AKAP6: variants seen among roughly 807,000 people sequenced by gnomAD.
AKAP6 encodes the protein A-kinase anchor protein 6.
AKAP6 carries 58 observed loss-of-function variants against 188.5 expected under a neutral mutation model. The ratio of observed to expected loss-of-function variants is 0.31; its 90% CI spans 0.25 to 0.38. The LOEUF is 0.38. Ranked by LOEUF, AKAP6 falls within the 10% of genes least tolerant of loss-of-function variation. The pLI, the probability that AKAP6 is intolerant of heterozygous loss-of-function variation, is 1.00. For missense variants in AKAP6, 2,710 were observed against 2,740.0 expected, an observed-to-expected ratio of 0.99 and a Z score of 0.24; for synonymous variants, 989 against 998.6, an observed-to-expected ratio of 0.99 and a Z score of 0.18.
intron 9 of AKAP6, among the ~76,000 whole-genome samples, chr14:32,716,309 C>T (rs1399761097): frequency 6.6e-6 from 1 of 151,686 alleles, no homozygotes; most frequent in Non-Finnish European, 1.5e-5. Flanking sequence ...CAAGCTCCCT[C>T]CTCCCTTCAT....
intron 2 of AKAP6, among the ~76,000 whole-genome samples, chr14:32,435,815 T>C (rs1806856617): frequency 6.6e-6 from 1 of 152,230 alleles, no homozygotes; most frequent in Non-Finnish European, 1.5e-5. Flanking sequence ...GTCAAGGAGC[T>C]CTGGTTACTG....
intron 8 of AKAP6, among the ~76,000 whole-genome samples, chr14:32,688,470 G>A (rs1302385146): frequency 3.3e-5 from 5 of 152,070 alleles, no homozygotes; most frequent in African/African-American, 1.2e-4. Context: ...AAACAAATGT[G>A]TATGTTATGT....
At chr14:32,584,166 C>T (rs1006624495) in intron 5 of AKAP6, among the ~76,000 whole-genome samples, 2 of 152,166 alleles carry the variant, frequency 1.3e-5, no homozygotes, top group African/African-American at 2.4e-5. Context: ...CCCTCTTATT[C>T]GAGGCGGATG....
At chr14:32,729,287 G>C (rs923087983) in intron 9 of AKAP6, among the ~76,000 whole-genome samples, 9 of 152,230 alleles carry the variant, frequency 5.9e-5, no homozygotes, top group Admixed American at 1.3e-4. Flanking sequence ...AAAAAAAGGA[G>C]GGGGACTTCG....
chr14:32,532,184 C>T (rs991266559), intron 2 of AKAP6, among the ~76,000 whole-genome samples: 7 of 152,152 alleles, frequency 4.6e-5, no homozygotes, highest in African/African-American at 7.2e-5. Flanking sequence ...GGCATTTGAA[C>T]GGGTGTAAAC....
rs147345860 is a variant in AKAP6, at chr14:32,822,097, G to A, written c.4284G>A (p.Ser1428=). The A allele has an allele frequency of 1.1e-4, 180 of 1,613,862 alleles. No homozygotes were observed. The African/African-American group carries it at 1.3e-3, about 11-fold the overall frequency. ...TTAAGCTTCCAAATAGCTCTCAGTC[G>A]TCCATTTCACCAGTGGGTTGTGTAA... ...ESIKLPNSSQ[S]SISPVGCVNG... Residue 1428 remains serine (S), a synonymous_variant, in exon 13 of 14, where the codon TCG becomes TCA. Coordinates refer to ENST00000280979, the MANE Select transcript of AKAP6 (RefSeq NM_004274.5).
At chr14:32,369,169 T>A (rs545821445) in intron 1 of AKAP6, among the ~76,000 whole-genome samples, 18 of 152,172 alleles carry the variant, frequency 1.2e-4, no homozygotes, top group African/African-American at 3.6e-4. Flanking sequence ...GGGACCCAGA[T>A]GAAAGATAGC....
chr14:32,373,799 A>G (rs536326699), intron 1 of AKAP6, among the ~76,000 whole-genome samples: 2 of 152,328 alleles, frequency 1.3e-5, no homozygotes, highest in East Asian at 3.9e-4. Flanking sequence ...GCGGTTCCAT[A>G]AGGTCATTTT....
Position 32,484,260 on chromosome 14 carries a change from T to C in AKAP6, c.324+50443T>C, listed in dbSNP as rs762710532. On this transcript the variant is annotated intron_variant, in intron 2 of 13. Coordinates refer to ENST00000280979, the MANE Select transcript of AKAP6 (RefSeq NM_004274.5). ...AGGACGGATCAGACGAAAAGGGGTGTTTGGTATTGGGTTATGGCAGGGGGT... is the reference window on the plus strand; with the variant it reads ...AGGACGGATCAGACGAAAAGGGGTGCTTGGTATTGGGTTATGGCAGGGGGT... The C allele has an allele frequency of 6.4e-5, 7 of 110,108 alleles. 2 individuals carry two copies. Among genetic ancestry groups the C allele is most frequent in the Non-Finnish European group, 9.5e-5 (7 of 73,362 alleles). 6.8% of individuals were successfully genotyped at this position (110,108 alleles called of 1,614,324 possible).
At chr14:32,333,563 C>T (rs1594511459) in intron 1 of AKAP6, among the ~76,000 whole-genome samples, 4 of 152,140 alleles carry the variant, frequency 2.6e-5, no homozygotes, top group Admixed American at 2.6e-4. Context: ...TAGAGAAGCC[C>T]ATTATCTGTG....
chr14:32,766,739 A>G (rs1189659158), intron 11 of AKAP6, among the ~76,000 whole-genome samples: 4 of 151,996 alleles, frequency 2.6e-5, no homozygotes, highest in African/African-American at 4.8e-5. Flanking sequence ...TCACTTTTCT[A>G]TGGTATCATC....
intron 11 of AKAP6, among the ~76,000 whole-genome samples, chr14:32,741,155 T>C (rs2031657625): frequency 6.6e-6 from 1 of 151,992 alleles, no homozygotes; most frequent in Non-Finnish European, 1.5e-5. Context: ...GTATCACTTT[T>C]ATTAATCTCT....
At chr14:32,601,349 T>C (rs74481614) in intron 7 of AKAP6, among the ~76,000 whole-genome samples, 3,906 of 152,266 alleles carry the variant, frequency 0.026, 174 homozygotes, top group African/African-American at 0.089. Flanking sequence ...GAGTTCTCCA[T>C]AATGGTACAA....
chr14:32,747,812 T>C (rs963203199), intron 11 of AKAP6, among the ~76,000 whole-genome samples: 1 of 152,236 alleles, frequency 6.6e-6, no homozygotes, highest in African/African-American at 2.4e-5. Flanking sequence ...AGCCCAATTC[T>C]TTCTGATTAC....
At position 32,546,571 on chromosome 14, in the gene AKAP6, A is replaced by G; in HGVS notation, c.1918A>G (p.Thr640Ala). The change falls in exon 4 of 14, where the codon ACA becomes GCA. Residue 640 changes from threonine to alanine, a missense_variant. Physicochemically the swap from Thr to Ala is moderately conservative, Grantham distance 58. Transcript: ENST00000280979. Reference protein sequence around the residue: ...YLALPSHLKQTEVLALKLENL... With the variant: ...YLALPSHLKQAEVLALKLENL... ...AGCACTGCCCTCTCACCTTAAGCAG[A>G]CAGAAGTATTGGCTTTGAAGTTGGA... 1 of 1,614,192 alleles carries G rather than the reference A, an allele frequency of 6.2e-7. No homozygotes were observed. Among genetic ancestry groups the G allele is most frequent in the Non-Finnish European group, 8.5e-7 (1 of 1,180,030 alleles).
At chr14:32,765,796 A>G (rs1566696052) in intron 11 of AKAP6, among the ~76,000 whole-genome samples, 1 of 151,812 alleles carries the variant, frequency 6.6e-6, no homozygotes, top group Non-Finnish European at 1.5e-5. Flanking sequence ...ATTGTATGGT[A>G]TTAGTTATAT....
intron 7 of AKAP6, among the ~76,000 whole-genome samples, chr14:32,601,389 G>A (rs1327455351): frequency 6.6e-6 from 1 of 152,208 alleles, no homozygotes; most frequent in African/African-American, 2.4e-5. Flanking sequence ...CTTTAAAAAT[G>A]AGTACTGATG....
chr14:32,495,950 G>C (rs1404959443), intron 2 of AKAP6, among the ~76,000 whole-genome samples: 1 of 152,072 alleles, frequency 6.6e-6, no homozygotes, highest in Non-Finnish European at 1.5e-5. Flanking sequence ...CAATATTGTT[G>C]TTCTTCTTAC....
chr14:32,422,346 CAACTCATAG>C, intron 1 of AKAP6, among the ~76,000 whole-genome samples: 1 of 152,246 alleles, frequency 6.6e-6, no homozygotes. Context: ...TACACTAGAA[CAACTCATAG>C]AACTCAGGAA....
Sources: allele counts gnomAD v4.1 joint callset (sites outside exome capture counted in the v4.1 genomes callset), GRCh38; gene constraint gnomAD v4.1.1; transcripts MANE v1.5; gene names NCBI Gene and HGNC (gene_info 2026-07-23, HGNC 2026-07-21).